The following RUNX3 variants were observed in gnomAD, a reference collection of about 807,000 sequenced individuals.
RUNX3 encodes the protein runt-related transcription factor 3.
Under a neutral mutation model 27.7 loss-of-function variants are expected in RUNX3, and 10 were observed. That is an observed-to-expected ratio of 0.36 (90% CI 0.22 to 0.61). The LOEUF (loss-of-function observed/expected upper bound fraction) is 0.61, where lower values mean the gene tolerates loss of function less well. RUNX3 is among the 20% of genes least tolerant of loss of function. RUNX3 has a pLI of 0.72. For synonymous variants in RUNX3, 270 were observed against 269.2 expected, an observed-to-expected ratio of 1.00 and a Z score of -0.03; for missense variants, 469 against 629.5, an observed-to-expected ratio of 0.75 and a Z score of 2.73.
In RUNX3 at chr1:24,927,785, AC is replaced by A; in HGVS notation, c.283-56del. The A allele has an allele frequency of 1.3e-6, 2 of 1,548,890 alleles. No homozygotes were observed. The highest frequency in any genetic ancestry group is 1.8e-6 in the Non-Finnish European group (2 of 1,123,478). Reference sequence around the variant, plus strand: ...GGACAGCTTAGAAAGGAAGAGGGTGACCAGGGAAAGGAGGGGAGGGGCTGGG... The same window carrying A: ...GGACAGCTTAGAAAGGAAGAGGGTGACAGGGAAAGGAGGGGAGGGGCTGGG... On this transcript the variant is annotated intron_variant, in intron 1 of 4. Coordinates refer to ENST00000308873, the MANE Select transcript of RUNX3 (RefSeq NM_004350.3). This position sits in a 1 kb window ranked among gnomAD's most constrained non-coding sequence, Gnocchi z 5.0.
Position 24,902,556 on chromosome 1 carries a change from C to T in RUNX3, c.814G>A (p.Gly272Arg), listed in dbSNP as rs374244612. 1.5e-5 allele frequency: 23 copies of T among 1,585,816 alleles called. No individual in the cohort carries two copies. The highest frequency in any genetic ancestry group is 1.9e-5 in the Non-Finnish European group (22 of 1,160,178). Reference sequence around the variant, plus strand: ...TAGGGGAAGGCAGCTGACATGGCCCCGGGATAATGCATCCTGGGGTCTGGG... The same window carrying T: ...TAGGGGAAGGCAGCTGACATGGCCCTGGGATAATGCATCCTGGGGTCTGGG... ...RFPDPRMHYPGAMSAAFPYSA... is the reference protein window; with the variant it reads ...RFPDPRMHYPRAMSAAFPYSA... The change falls in exon 5 of 5, where the codon GGG (glycine) becomes AGG (arginine). Residue 272 changes from glycine to arginine, a missense_variant. By Grantham distance (125) the Gly-to-Arg change is moderately radical. Coordinates refer to ENST00000308873, the MANE Select transcript of RUNX3 (RefSeq NM_004350.3). This position sits in a 1 kb window ranked among gnomAD's most constrained non-coding sequence, Gnocchi z 9.2.
At position 24,949,364 on chromosome 1, in the gene RUNX3, T is replaced by C. The variant is rs151183121; in HGVS notation, c.58+15150A>G. ...AGCGTCCAGGGCTGCACTCCAGCCA[T>C]GCCCCGCCCCCCGTGAGCAGACCAC... On this transcript the variant is annotated intron_variant, in intron 2 of 6. Transcript: ENST00000338888. 4.9e-3 allele frequency among the ~76,000 whole-genome samples: 746 copies of C among 152,208 alleles called. 5 individuals are homozygous for C. The highest frequency in any genetic ancestry group is 0.017 in the African/African-American group (694 of 41,518).
At position 24,901,017 on chromosome 1, in the gene RUNX3, G is replaced by GTTTTGTT. The variant is rs1640531510; in HGVS notation, c.*1104_*1105insAACAAAA. 1.6e-5 allele frequency: 2 copies of GTTTTGTT among 124,910 alleles called. No individual in the cohort carries two copies. The highest frequency in any genetic ancestry group is 3.0e-5 in the African/African-American group (1 of 32,794). 7.7% of individuals were successfully genotyped at this position (124,910 alleles called of 1,614,324 possible). A position where few individuals can be genotyped will look rare whatever the true frequency, so the allele number is the denominator to read the frequency against. Reference sequence around the variant, plus strand: ...TAAAATCAGTTTTAAAAACTGTTTTGTTTTTTTTTTGTTTTTTTGTTTTTT... The same window carrying GTTTTGTT: ...TAAAATCAGTTTTAAAAACTGTTTTGTTTTGTTTTTTTTTTTTGTTTTTTTGTTTTTT... On this transcript the variant is annotated 3_prime_UTR_variant, in exon 5 of 5. Transcript: ENST00000308873.
chr1:24,935,403 G>A (rs1012793365), intron 2 of RUNX3, among the ~76,000 whole-genome samples: 2 of 151,800 alleles, frequency 1.3e-5, no homozygotes, highest in African/African-American at 2.4e-5. Context: ...TCCACCTCCC[G>A]CGGGGCGCCA....
chr1:24,915,547 A>AG (rs1205985626), intron 3 of RUNX3, among the ~76,000 whole-genome samples: 11 of 152,204 alleles, frequency 7.2e-5, no homozygotes, highest in Admixed American at 4.6e-4. Flanking sequence ...AGGAAGGAAA[A>AG]GGGGGAGAGG....
intron 2 of RUNX3, among the ~76,000 whole-genome samples, chr1:24,945,159 A>G (rs1406030309): frequency 6.6e-6 from 1 of 152,244 alleles, no homozygotes; most frequent in Non-Finnish European, 1.5e-5. Context: ...TAAAACACCC[A>G]GTTAAATTGA....
In RUNX3 at chr1:24,902,564, T is replaced by G; in HGVS notation, c.806A>C (p.His269Pro). 1 of 1,584,400 alleles carries G rather than the reference T, an allele frequency of 6.3e-7. No individual in the cohort carries two copies. Among genetic ancestry groups the G allele is most frequent in the Non-Finnish European group, 8.6e-7 (1 of 1,159,582 alleles). The change falls in exon 5 of 5, where the codon CAT (histidine) becomes CCT (proline). Residue 269 changes from histidine to proline, a missense_variant. By Grantham distance (77) the His-to-Pro change is moderately conservative. Transcript: ENST00000308873. The surrounding 1 kb of genome is among the most constrained non-coding windows in gnomAD (Gnocchi z 9.2). The stretch of plus-strand genomic sequence containing the variant: ...GGCAGCTGACATGGCCCCGGGATAA[T>G]GCATCCTGGGGTCTGGGAAGCGGCT... ...TESRFPDPRM[H>P]YPGAMSAAFP...
Position 24,919,292 on chromosome 1 carries a change from C to T in RUNX3, c.492G>A (p.Ala164=), listed in dbSNP as rs747875177. 21 of 1,605,040 alleles carry T rather than the reference C, an allele frequency of 1.3e-5. No homozygotes were observed. Among genetic ancestry groups the T allele is most frequent in the East Asian group, 6.9e-5 (3 of 43,682 alleles). The change falls in exon 3 of 5, where the codon GCG becomes GCA. Residue 164 remains alanine, a synonymous_variant. Transcript: ENST00000308873. The stretch of plus-strand genomic sequence containing the variant: ...TCACCTTGATGGCTCGGTGGTAGGT[C>T]GCCACTTGGGTGGGGTTGGTGAACA... The part of the protein sequence containing the change: ...ITVFTNPTQV[A]TYHRAIKVTV...
chr1:24,964,572 G>GT, exon 2 of RUNX3: 2 of 1,610,156 alleles, frequency 1.2e-6, no homozygotes, highest in Non-Finnish European at 1.7e-6. Flanking sequence ...TCGATGCCAT[G>GT]CCCCGCTCTG....
At chr1:24,955,305 A>G (rs1401747226) in intron 2 of RUNX3, among the ~76,000 whole-genome samples, 6 of 152,176 alleles carry the variant, frequency 3.9e-5, no homozygotes, top group African/African-American at 1.4e-4. Flanking sequence ...AAGAGAAGAT[A>G]TCTTCCGGGC....
intron 3 of RUNX3, among the ~76,000 whole-genome samples, chr1:24,911,375 C>T (rs562682701): frequency 1.3e-5 from 2 of 152,298 alleles, no homozygotes; most frequent in Admixed American, 6.5e-5. Flanking sequence ...TGCGGCCTGG[C>T]GGAAGAGGGC....
intron 3 of RUNX3, among the ~76,000 whole-genome samples, chr1:24,908,273 C>T (rs138811427): frequency 5.4e-5 from 8 of 148,768 alleles, no homozygotes; most frequent in African/African-American, 2.1e-4. Context: ...CGCGGTGATC[C>T]AAACCTCTAC....
intron 2 of RUNX3, among the ~76,000 whole-genome samples, chr1:24,938,341 G>A (rs540599038): frequency 1.1e-4 from 17 of 152,248 alleles, no homozygotes; most frequent in Non-Finnish European, 1.9e-4. Flanking sequence ...GTTCATTTCC[G>A]CATCTAATAG....
At chr1:24,914,445 G>A (rs962187161) in intron 3 of RUNX3, among the ~76,000 whole-genome samples, 1 of 152,208 alleles carries the variant, frequency 6.6e-6, no homozygotes, top group Non-Finnish European at 1.5e-5. Context: ...CGGAATCGCA[G>A]GCGGGTGCCG....
In RUNX3 at chr1:24,917,162, G is replaced by A. The variant is rs139042919; in HGVS notation, c.544+2078C>T. ...CCACCAAGCGTCAAGACCCCGTCCC[G>A]TGCCTCCCTCTTTCTGGAGTGGCTC... On this transcript the variant is annotated intron_variant, in intron 3 of 4. Coordinates refer to ENST00000308873, the MANE Select transcript of RUNX3 (RefSeq NM_004350.3). 3.9e-3 allele frequency among the ~76,000 whole-genome samples: 595 copies of A among 152,250 alleles called. 4 individuals carry two copies. Among genetic ancestry groups the A allele is most frequent in the African/African-American group, 0.013 (549 of 41,536 alleles).
chr1:24,957,234 G>A (rs1217324015), intron 2 of RUNX3, among the ~76,000 whole-genome samples: 4 of 152,200 alleles, frequency 2.6e-5, no homozygotes, highest in African/African-American at 7.2e-5. Flanking sequence ...GCTCAGGCTC[G>A]CGCCAACAAG....
At chr1:24,909,653 C>T (rs1640759409) in intron 3 of RUNX3, among the ~76,000 whole-genome samples, 1 of 152,234 alleles carries the variant, frequency 6.6e-6, no homozygotes, top group African/African-American at 2.4e-5. Flanking sequence ...CCTCTCCACC[C>T]ACATTTCAGT....
At chr1:24,931,259 G>A (rs1004564213), upstream of RUNX3, among the ~76,000 whole-genome samples, 3 of 152,150 alleles carry the variant, frequency 2.0e-5, no homozygotes, top group East Asian at 5.8e-4. Context: ...ACTTCTTCTT[G>A]GGCCCGTGCG....
At chr1:24,906,826 T>C (rs1640673205) in intron 4 of RUNX3, among the ~76,000 whole-genome samples, 1 of 152,140 alleles carries the variant, frequency 6.6e-6, no homozygotes, top group African/African-American at 2.4e-5. Flanking sequence ...CAGCCCTGGG[T>C]GGAGGCATCC....
Sources: gnomAD v4.1 joint callset for allele counts (sites outside exome capture counted in the v4.1 genomes callset) on GRCh38, gnomAD v4.1.1 for gene constraint, Gnocchi (gnomAD v3.1) non-coding constraint, MANE v1.5 for transcripts, NCBI Gene and HGNC (gene_info 2026-07-23, HGNC 2026-07-21) for gene names.